PCDHA4: variants seen among roughly 807,000 people sequenced by gnomAD.
PCDHA4 encodes protocadherin alpha-4.
Under a neutral mutation model 61.4 loss-of-function variants are expected in PCDHA4, and 49 were observed. The observed-to-expected ratio is 0.80, with a 90% confidence interval of 0.63 to 1.01. The LOEUF is 1.01. Ranked by LOEUF, PCDHA4 falls within the 50% of genes least tolerant of loss-of-function variation. The pLI is 0.00. For synonymous variants in PCDHA4, 590 were observed against 550.3 expected, an observed-to-expected ratio of 1.07 and a Z score of -1.01; for missense variants, 1,254 against 1,235.8, an observed-to-expected ratio of 1.01 and a Z score of -0.22.
intron 1 of PCDHA4, chr5:140,843,565 G>A (rs2150362787): frequency 6.3e-7 from 1 of 1,595,918 alleles, no homozygotes; most frequent in Admixed American, 1.7e-5. Context: ...TGGGGAGCTG[G>A]TCATACTCGC....
intron 1 of PCDHA4, chr5:140,864,049 A>G (rs2048299792): frequency 6.5e-6 from 1 of 152,910 alleles, no homozygotes; most frequent in Non-Finnish European, 1.5e-5. Flanking sequence ...ACTTTTTACT[A>G]CAGTCACCAT....
intron 1 of PCDHA4, chr5:140,928,899 T>C (rs2085633672): frequency 2.5e-6 from 4 of 1,614,088 alleles, no homozygotes; most frequent in South Asian, 1.1e-5. Flanking sequence ...ACTTTGAAGA[T>C]GTCTGGGAAC....
At chr5:140,834,383 A>T in intron 1 of PCDHA4, 1 of 1,567,408 alleles carries the variant, frequency 6.4e-7, no homozygotes, top group Non-Finnish European at 8.6e-7. Flanking sequence ...AATAATTTGA[A>T]ATGGTGTGCC....
chr5:141,001,559 G>A (rs1277713814), intron 3 of PCDHA4, among the ~76,000 whole-genome samples: 1 of 152,190 alleles, frequency 6.6e-6, no homozygotes, highest in Non-Finnish European at 1.5e-5. Context: ...TTCAGACCAC[G>A]ATTCTCCTGT....
chr5:141,000,417 A>ATTTT (rs1563652061), intron 3 of PCDHA4, among the ~76,000 whole-genome samples: 4 of 77,746 alleles, frequency 5.1e-5, no homozygotes, highest in African/African-American at 1.1e-4. Flanking sequence ...ATATATATAT[A>ATTTT]TATATTTTTT....
Position 140,851,010 on chromosome 5 carries a change from T to C in PCDHA4, c.2385+41438T>C, listed in dbSNP as rs200591127. 6.3e-5 allele frequency: 90 copies of C among 1,436,878 alleles called. 3 individuals are homozygous for C. In the African/African-American group the frequency reaches 1.2e-3, roughly 20 times the overall value. The allele number at this position is 1,436,878 out of a possible 1,614,324, so 89.0% of individuals were successfully genotyped here. A position where few individuals can be genotyped will look rare whatever the true frequency, so the allele number is the denominator to read the frequency against. On this transcript the variant is annotated intron_variant, in intron 1 of 3. Transcript: ENST00000530339. ...TTTTCTAGAAATCCAGCAGATTTTT[T>C]TTCTGATAAAGTAAACCCCTTAACA...
chr5:140,871,688 G>C lies in PCDHA4; in HGVS notation c.2385+62116G>C, dbSNP rs868933304. On this transcript the variant is annotated intron_variant, in intron 1 of 3. Coordinates refer to ENST00000530339, the MANE Select transcript of PCDHA4 (RefSeq NM_018907.4). ...GTCTTTTAATCATATGAATAATCTG[G>C]CTTCTTTAACCAATAAATGTCCTAT... 1.9e-5 allele frequency: 20 copies of C among 1,060,782 alleles called. No homozygotes were observed. In the African/African-American group the frequency reaches 2.1e-4, roughly 11 times the overall value. The allele number at this position is 1,060,782 out of a possible 1,614,324, so 65.7% of individuals were successfully genotyped here. A position where few individuals can be genotyped will look rare whatever the true frequency, so the allele number is the denominator to read the frequency against.
intron 1 of PCDHA4, among the ~76,000 whole-genome samples, chr5:140,965,010 C>T (rs1160052537): frequency 5.9e-5 from 9 of 152,154 alleles, no homozygotes; most frequent in Admixed American, 3.9e-4. Flanking sequence ...GTGTCAGGAT[C>T]ACAACCTTGG....
chr5:140,853,613 A>G, intron 1 of PCDHA4: 1 of 988,108 alleles, frequency 1.0e-6, no homozygotes, highest in Non-Finnish European at 1.2e-6. Context: ...GGGGTGCTGT[A>G]AATAAGTATA....
intron 1 of PCDHA4, among the ~76,000 whole-genome samples, chr5:140,918,479 G>T (rs895821639): frequency 1.3e-5 from 2 of 152,092 alleles, no homozygotes; most frequent in Non-Finnish European, 2.9e-5. Flanking sequence ...AGTCTCAAGG[G>T]GAATGCTTTG....
rs140380568 is a variant in PCDHA4, at chr5:140,850,532, G to T, written c.2385+40960G>T. On this transcript the variant is annotated intron_variant, in intron 1 of 3. Coordinates refer to ENST00000530339, the MANE Select transcript of PCDHA4 (RefSeq NM_018907.4). ...AGAGCGGCCAGGCGCCAAAGTCATC[G>T]TCGCGGGCGTCAGTGGGTGCCACGG... is the stretch of plus-strand genomic sequence containing the variant. 5.9e-5 allele frequency: 94 copies of T among 1,598,250 alleles called. 12 individuals carry two copies. Among genetic ancestry groups the T allele is most frequent in the Non-Finnish European group, 7.6e-5 (89 of 1,167,856 alleles).
intron 1 of PCDHA4, chr5:140,966,857 C>A: frequency 6.3e-7 from 1 of 1,575,742 alleles, no homozygotes; most frequent in Non-Finnish European, 8.6e-7. Flanking sequence ...TCTCCTGCTG[C>A]TGTTGCTGCT....
At chr5:140,843,231 T>C in intron 1 of PCDHA4, 3 of 1,596,108 alleles carry the variant, frequency 1.9e-6, no homozygotes, top group South Asian at 1.1e-5. Flanking sequence ...ACTCGTGTCC[T>C]GGACGAAGCG....
chr5:140,884,988 ATGTT>A (rs1398620689), intron 1 of PCDHA4, among the ~76,000 whole-genome samples: 1 of 152,242 alleles, frequency 6.6e-6, no homozygotes, highest in Non-Finnish European at 1.5e-5. Context: ...CATTTAGAAA[ATGTT>A]TGTTTTAATG....
intron 1 of PCDHA4, chr5:140,884,062 C>T (rs1328958684): frequency 8.7e-6 from 14 of 1,613,496 alleles, no homozygotes; most frequent in Non-Finnish European, 1.2e-5. Context: ...GCGCGGTGGA[C>T]GCCGATTCGG....
intron 1 of PCDHA4, among the ~76,000 whole-genome samples, chr5:140,936,730 T>C (rs2091111568): frequency 6.6e-6 from 1 of 152,258 alleles, no homozygotes; most frequent in Non-Finnish European, 1.5e-5. Flanking sequence ...GTGTTAAATA[T>C]AGTAACTTTT....
At chr5:140,968,310 G>T (rs2096237719) in intron 1 of PCDHA4, 4 of 1,613,920 alleles carry the variant, frequency 2.5e-6, no homozygotes, top group Non-Finnish European at 3.4e-6. Flanking sequence ...GAGATTCAAG[G>T]GCTGCCAGTC....
At chr5:140,997,481 A>G (rs1563624223) in intron 3 of PCDHA4, among the ~76,000 whole-genome samples, 1 of 152,224 alleles carries the variant, frequency 6.6e-6, no homozygotes, top group Non-Finnish European at 1.5e-5. Flanking sequence ...ACACAATGAT[A>G]AGTATTTGTG....
At chr5:140,841,254 A>G in intron 1 of PCDHA4, 9 of 1,510,716 alleles carry the variant, frequency 6.0e-6, no homozygotes, top group Non-Finnish European at 7.1e-6. Context: ...GGATTAAAAG[A>G]CTCTGAAAGT....
Sources: gnomAD v4.1 joint callset for allele counts (sites outside exome capture counted in the v4.1 genomes callset) on GRCh38, gnomAD v4.1.1 for gene constraint, MANE v1.5 for transcripts, NCBI Gene and HGNC (gene_info 2026-07-23, HGNC 2026-07-21) for gene names.